SYNPO: variants seen among roughly 807,000 people sequenced by gnomAD.
SYNPO encodes synaptopodin.
A neutral mutation model predicts 49.5 loss-of-function variants in SYNPO; 19 were observed. The observed-to-expected ratio is 0.38, with a 90% CI of 0.27 to 0.56. The LOEUF is 0.56. Among genes scored for constraint, SYNPO ranks in the 20% least tolerant of loss-of-function variants. The probability of loss-of-function intolerance (pLI) is 0.68; values close to 1 mark genes in which losing one functional copy is unlikely to be tolerated. For missense variants in SYNPO, 1,131 were observed against 1,248.3 expected (o/e 0.91, Z 1.42); for synonymous variants, 536 against 548.0 (o/e 0.98, Z 0.31).
In SYNPO at chr5:150,613,389, G is replaced by A. The variant is rs556109113; in HGVS notation, c.-265-4714G>A. Among the ~76,000 whole-genome samples the A allele has an allele frequency of 3.3e-4, 50 of 152,202 alleles. 1 individual carries two copies. Among genetic ancestry groups the A allele is most frequent in the Admixed American group, 3.0e-3 (46 of 15,286 alleles). On this transcript the variant is annotated intron_variant, in intron 1 of 2. Transcript: ENST00000394243. The stretch of plus-strand genomic sequence containing the variant: ...CCCTAACCTCAGCCTATCCAAGCCC[G>A]CCTCGTTCTTCAGAGTCATCCCCAG...
the SYNPO span, among the ~76,000 whole-genome samples, chr5:150,590,212 C>T: frequency 1.3e-5 from 2 of 152,232 alleles, no homozygotes; most frequent in Admixed American, 1.3e-4. Context: ...GGAGAAGCAT[C>T]TTTGCTGAGG....
chr5:150,652,886 C>T (rs1430098418), intron 2 of SYNPO: 1 of 152,194 alleles, frequency 6.6e-6, no homozygotes, highest in Non-Finnish European at 1.5e-5. Flanking sequence ...GTTCTAGCCC[C>T]AGGTCTGCAT....
the SYNPO span, among the ~76,000 whole-genome samples, chr5:150,592,187 G>C: frequency 6.6e-6 from 1 of 151,902 alleles, no homozygotes; most frequent in Non-Finnish European, 1.5e-5. Flanking sequence ...AAAAGAAGAA[G>C]AAGAAGAAGA....
chr5:150,600,535 C>G (rs2151330247), upstream of SYNPO, among the ~76,000 whole-genome samples: 1 of 152,382 alleles, frequency 6.6e-6, no homozygotes, highest in Middle Eastern at 3.4e-3. Flanking sequence ...CTCCCCATCT[C>G]TGCAATGAGG....
chr5:150,634,296 C>T (rs1262590712), intron 2 of SYNPO, among the ~76,000 whole-genome samples: 2 of 152,168 alleles, frequency 1.3e-5, no homozygotes, highest in Non-Finnish European at 1.5e-5. Context: ...AAGGAACTTG[C>T]CAGAGGCCTC....
At chr5:150,610,081 C>T (rs576003851) in intron 1 of SYNPO, among the ~76,000 whole-genome samples, 10 of 152,352 alleles carry the variant, frequency 6.6e-5, no homozygotes, top group South Asian at 2.1e-4. Context: ...ATAGATGTGA[C>T]GTACTGGGGA....
chr5:150,649,983 T>G lies in SYNPO; in HGVS notation c.1708T>G (p.Ser570Ala), dbSNP rs1197768347. The change falls in exon 2 of 3, where the codon TCG becomes GCG. Residue 570 changes from serine (S) to alanine (A), a missense_variant. This residue lies in a region of SYNPO where 602 missense variants were observed against 720.7 expected (regional missense o/e 0.84). Transcript: ENST00000307662. ...TKQPPYQLRP[S>A]LFVLSPIKEP... is the part of the protein sequence containing the mutation. ...GCAGCCGCCATACCAGCTGCGCCCC[T>G]CGCTCTTTGTCCTCTCACCTATCAA... 3 of 1,612,544 alleles carry G rather than the reference T, an allele frequency of 1.9e-6. No homozygotes were observed. The African/African-American group carries it at 4.0e-5, about 22-fold the overall frequency.
Position 150,656,838 on chromosome 5 carries a change from G to C in SYNPO, c.2463G>C (p.Ala821=), listed in dbSNP as rs761935088. Residue 821 remains alanine (A), a synonymous_variant, in exon 3 of 3, where the codon GCG becomes GCC. Coordinates refer to ENST00000307662, the MANE Select transcript of SYNPO (RefSeq NM_007286.6). ...GSAAVPGAAF[A]PIPRSPLPAG... is the part of the protein sequence containing the mutation. ...CTGCTGTGCCGGGGGCAGCCTTCGCGCCCATCCCGCGGAGCCCGTTGCCCG... is the reference window on the plus strand; with the variant it reads ...CTGCTGTGCCGGGGGCAGCCTTCGCCCCCATCCCGCGGAGCCCGTTGCCCG... 6.5e-7 allele frequency: 1 copy of C among 1,543,122 alleles called. No homozygotes were observed. The highest frequency in any genetic ancestry group is 1.9e-5 in the Admixed American group (1 of 52,088).
In SYNPO at chr5:150,656,718, G is replaced by T. The variant is rs2151435176; in HGVS notation, c.2343G>T (p.Arg781=). The change falls in exon 3 of 3, where the codon CGG becomes CGT. Residue 781 remains arginine (R), a synonymous_variant. Coordinates refer to ENST00000307662, the MANE Select transcript of SYNPO (RefSeq NM_007286.6). The stretch of plus-strand genomic sequence containing the variant: ...GGTCGGCGGGCGCCGAGAACCCGCG[G>T]CCCTTCTCCCCGCCGAGGGCGCCAC... The part of the protein sequence containing the change: ...SPRSAGAENP[R]PFSPPRAPPP... The T allele has an allele frequency of 3.6e-6, 5 of 1,393,910 alleles. No individual in the cohort carries two copies. The East Asian group carries it at 1.5e-4, about 43-fold the overall frequency. 86.3% of individuals were successfully genotyped at this position (1,393,910 alleles called of 1,614,324 possible).
intron 2 of SYNPO, among the ~76,000 whole-genome samples, chr5:150,621,419 G>T (rs560912861): frequency 6.6e-6 from 1 of 152,174 alleles, no homozygotes; most frequent in Admixed American, 6.5e-5. Context: ...GTCAAAATCC[G>T]GTGGTCTTGG....
At chr5:150,642,555 A>T (rs928418022) in intron 1 of SYNPO, among the ~76,000 whole-genome samples, 1 of 150,270 alleles carries the variant, frequency 6.7e-6, no homozygotes, top group Non-Finnish European at 1.5e-5. Flanking sequence ...GATCTTGAGC[A>T]GCTGCTGCCT....
intron 2 of SYNPO, among the ~76,000 whole-genome samples, chr5:150,623,475 C>T (rs1018280807): frequency 2.0e-5 from 3 of 152,174 alleles, no homozygotes; most frequent in African/African-American, 7.2e-5. Flanking sequence ...TCAGGGTTAG[C>T]GATACCCCAA....
intron 1 of SYNPO, among the ~76,000 whole-genome samples, chr5:150,608,968 G>C (rs1359337994): frequency 6.6e-6 from 1 of 152,176 alleles, no homozygotes; most frequent in Non-Finnish European, 1.5e-5. Flanking sequence ...AAAGTAACCG[G>C]GGCAAGTTCA....
intron 1 of SYNPO, among the ~76,000 whole-genome samples, chr5:150,644,936 T>C (rs1201386537): frequency 6.6e-6 from 1 of 152,180 alleles, no homozygotes; most frequent in African/African-American, 2.4e-5. Context: ...GTGCTTTCAC[T>C]GTTTCTAATA....
intron 2 of SYNPO, chr5:150,653,402 C>T (rs1486646579): frequency 6.6e-6 from 1 of 152,244 alleles, no homozygotes; most frequent in African/African-American, 2.4e-5. Flanking sequence ...CAGCATTCCC[C>T]TTGTGGCCAC....
At chr5:150,620,934 TTTCTTTC>T (rs1307763272) in intron 2 of SYNPO, among the ~76,000 whole-genome samples, 23 of 142,580 alleles carry the variant, frequency 1.6e-4, no homozygotes, top group African/African-American at 5.5e-4. Context: ...TCTTTCTTTC[TTTCTTTC>T]TTTCTTTTCT....
chr5:150,587,110 A>G, the SYNPO span, among the ~76,000 whole-genome samples: 1 of 152,116 alleles, frequency 6.6e-6, no homozygotes, highest in African/African-American at 2.4e-5. Context: ...ATGGATGTAT[A>G]TATGGATGCA....
chr5:150,600,108 T>A (rs1756494551), upstream of SYNPO, among the ~76,000 whole-genome samples: 1 of 152,174 alleles, frequency 6.6e-6, no homozygotes, highest in African/African-American at 2.4e-5. Flanking sequence ...ACCTCAGACC[T>A]CTCTGGGCCT....
exon 2 of SYNPO, chr5:150,618,597 C>T (rs1005667873): frequency 8.4e-6 from 13 of 1,551,202 alleles, no homozygotes; most frequent in South Asian, 4.8e-5. Flanking sequence ...CAGGGGACAC[C>T]GCAGCTGCCC....
Sources: gnomAD v4.1 joint callset for allele counts (sites outside exome capture counted in the v4.1 genomes callset) on GRCh38, gnomAD v4.1.1 for gene constraint, gnomAD v4.1.1 regional missense constraint, MANE v1.5 for transcripts, NCBI Gene and HGNC (gene_info 2026-07-23, HGNC 2026-07-21) for gene names.